The following TMCC3 variants were observed in gnomAD, a reference collection of about 807,000 sequenced individuals.
The protein encoded by TMCC3 is transmembrane and coiled-coil domain protein 3.
Under a neutral mutation model 40.2 loss-of-function variants are expected in TMCC3, and 28 were observed. The observed-to-expected ratio is 0.70, with a 90% CI of 0.52 to 0.95. The LOEUF is 0.95. TMCC3 is among the 40% of genes least tolerant of loss of function. The pLI, the probability that TMCC3 is intolerant of heterozygous loss-of-function variation, is 0.00. For missense variants in TMCC3, 554 were observed against 615.2 expected, an observed-to-expected ratio of 0.90 and a Z score of 1.05; for synonymous variants, 255 against 248.5, an observed-to-expected ratio of 1.03 and a Z score of -0.25.
intron 1 of TMCC3, among the ~76,000 whole-genome samples, chr12:94,642,671 T>C (rs2068996941): frequency 6.6e-6 from 1 of 152,268 alleles, no homozygotes. Flanking sequence ...CCACGGTCTC[T>C]GCTCAATTGC....
At chr12:94,650,184 C>G (rs954165483) in intron 1 of TMCC3, among the ~76,000 whole-genome samples, 169 bp downstream of exon 1, 1 of 152,034 alleles carries the variant, frequency 6.6e-6, no homozygotes, top group African/African-American at 2.4e-5. Flanking sequence ...CCGACGCCCC[C>G]GACGCCCACC....
At chr12:94,646,430 C>T (rs1177808545) in intron 1 of TMCC3, among the ~76,000 whole-genome samples, 1 of 136,936 alleles carries the variant, frequency 7.3e-6, no homozygotes, top group Non-Finnish European at 1.5e-5. Flanking sequence ...AAAGCACACA[C>T]CTTTTTTTTT....
At chr12:94,609,831 A>C (rs1345251690) in intron 1 of TMCC3, 1 of 152,228 alleles carries the variant, frequency 6.6e-6, no homozygotes, top group Non-Finnish European at 1.5e-5. Flanking sequence ...GAGCTACTGT[A>C]GTTCCAGAAA....
chr12:94,582,818 C>A (rs926085445), intron 1 of TMCC3, among the ~76,000 whole-genome samples: 1 of 152,024 alleles, frequency 6.6e-6, no homozygotes, highest in South Asian at 2.1e-4. Context: ...GGGTAGAAAA[C>A]GCAAAATAGA....
At chr12:94,650,022 G>A (rs954110523) in intron 1 of TMCC3, among the ~76,000 whole-genome samples, 8 of 152,176 alleles carry the variant, frequency 5.3e-5, no homozygotes, top group African/African-American at 1.2e-4. Context: ...TGGCCGGGTG[G>A]CGGGATTCCC....
intron 1 of TMCC3, among the ~76,000 whole-genome samples, chr12:94,628,729 G>A (rs1285414992): frequency 1.3e-5 from 2 of 152,230 alleles, no homozygotes; most frequent in African/African-American, 4.8e-5. Flanking sequence ...TAAGTCCCTT[G>A]TGGGTTAGAC....
chr12:94,619,675 T>G (rs566994319), intron 1 of TMCC3, among the ~76,000 whole-genome samples: 13 of 152,348 alleles, frequency 8.5e-5, no homozygotes, highest in African/African-American at 3.1e-4. Context: ...ACAGTTTTGC[T>G]TTTGGAAATT....
chr12:94,628,843 T>C (rs1165106441), intron 1 of TMCC3, among the ~76,000 whole-genome samples: 1 of 152,254 alleles, frequency 6.6e-6, no homozygotes, highest in Non-Finnish European at 1.5e-5. Flanking sequence ...TCTGAAATTC[T>C]ACGAAGGGAC....
At chr12:94,585,578 TC>T (rs2068633610) in intron 1 of TMCC3, among the ~76,000 whole-genome samples, 1 of 152,058 alleles carries the variant, frequency 6.6e-6, no homozygotes, top group South Asian at 2.1e-4. Flanking sequence ...GTGCCTGTAG[TC>T]CCAGCTACCC....
Position 94,605,706 on chromosome 12 carries a change from C to T in TMCC3, c.79-23168G>A, listed in dbSNP as rs563379450. On this transcript the variant is annotated intron_variant, in intron 1 of 3. Transcript: ENST00000261226. ...TTATCACAGCCTTGGTACTTTCCAT[C>T]GGGGGCTAGATAAAGAAGAGCAAAG... is the stretch of plus-strand genomic sequence containing the variant. Among the ~76,000 whole-genome samples, 8 of 152,242 alleles carry T rather than the reference C, an allele frequency of 5.3e-5. No homozygotes were observed. The East Asian group carries it at 5.8e-4, about 11-fold the overall frequency.
chr12:94,632,961 C>T (rs1276495560), intron 1 of TMCC3, among the ~76,000 whole-genome samples: 1 of 152,090 alleles, frequency 6.6e-6, no homozygotes, highest in African/African-American at 2.4e-5. Context: ...GCAAAATTCG[C>T]TGGGCATGGT....
chr12:94,583,094 T>C (rs139594871), intron 1 of TMCC3, among the ~76,000 whole-genome samples: 202 of 146,202 alleles, frequency 1.4e-3, no homozygotes, highest in African/African-American at 4.9e-3. Context: ...ATAGATGTGA[T>C]AGAATAATAT....
In TMCC3 at chr12:94,604,633, C is replaced by T. The variant is rs75827797; in HGVS notation, c.79-22095G>A. 4.7e-4 allele frequency among the ~76,000 whole-genome samples: 53 copies of T among 113,888 alleles called. 1 individual carries two copies. In the East Asian group the frequency reaches 9.1e-3, roughly 20 times the overall value. 74.7% of individuals were successfully genotyped at this position (113,888 alleles called of 152,430 possible). A position where few individuals can be genotyped will look rare whatever the true frequency, so the allele number is the denominator to read the frequency against. On this transcript the variant is annotated intron_variant, in intron 1 of 3. Transcript: ENST00000261226. Reference sequence around the variant, plus strand: ...CAGCTAGGGCACAATAGTGAGACCCCATCTCTACCAAAAAAAAAAAAAAAA... The same window carrying T: ...CAGCTAGGGCACAATAGTGAGACCCTATCTCTACCAAAAAAAAAAAAAAAA...
chr12:94,571,299 A>T lies in TMCC3; in HGVS notation c.*136T>A. ...ACTGCTACGGAGTTAAGAGAATTGTAGTTATTTACACCACACAGTCCTAGT... is the reference window on the plus strand; with the variant it reads ...ACTGCTACGGAGTTAAGAGAATTGTTGTTATTTACACCACACAGTCCTAGT... On this transcript the variant is annotated 3_prime_UTR_variant, in exon 4 of 4. Coordinates refer to ENST00000261226, the MANE Select transcript of TMCC3 (RefSeq NM_020698.4). The T allele has an allele frequency of 2.3e-6, 2 of 852,422 alleles. No individual in the cohort carries two copies. The highest frequency in any genetic ancestry group is 3.6e-6 in the Non-Finnish European group (2 of 558,400). The allele number at this position is 852,422 out of a possible 1,614,324, so 52.8% of individuals were successfully genotyped here.
At chr12:94,581,496 T>G in intron 2 of TMCC3, 126 bp downstream of exon 2, 1 of 539,428 alleles carries the variant, frequency 1.9e-6, no homozygotes, top group Non-Finnish European at 2.8e-6. Flanking sequence ...ATGCCACACC[T>G]ATCACGTACC....
rs530517980 is a variant in TMCC3, at chr12:94,575,690, C to T, written c.1131+2704G>A. Among the ~76,000 whole-genome samples, 3 of 152,354 alleles carry T rather than the reference C, an allele frequency of 2.0e-5. No homozygotes were observed. In the South Asian group the frequency reaches 6.2e-4, roughly 32 times the overall value. ...CACAGAAGAACAATATTAACCCAAACTATCCCCTAAATAAGAAAACCATGC... is the reference window on the plus strand; with the variant it reads ...CACAGAAGAACAATATTAACCCAAATTATCCCCTAAATAAGAAAACCATGC... On this transcript the variant is annotated intron_variant, in intron 3 of 3. Coordinates refer to ENST00000261226, the MANE Select transcript of TMCC3 (RefSeq NM_020698.4).
intron 1 of TMCC3, among the ~76,000 whole-genome samples, chr12:94,597,373 T>C (rs1024406605): frequency 1.3e-5 from 2 of 151,930 alleles, no homozygotes; most frequent in African/African-American, 2.4e-5. Context: ...GCAGGTATGA[T>C]CCTTTCCTCC....
intron 1 of TMCC3, among the ~76,000 whole-genome samples, chr12:94,635,177 G>A (rs979669942): frequency 1.3e-5 from 2 of 152,242 alleles, no homozygotes; most frequent in African/African-American, 2.4e-5. Flanking sequence ...TGTTATATTC[G>A]CCATCCTAAC....
intron 1 of TMCC3, among the ~76,000 whole-genome samples, chr12:94,597,948 A>C (rs1052430301): frequency 2.6e-5 from 4 of 152,228 alleles, no homozygotes; most frequent in African/African-American, 9.6e-5. Flanking sequence ...TTTACCCTCC[A>C]AAGTCCAAGA....
Sources: gnomAD v4.1 joint callset for allele counts (sites outside exome capture counted in the v4.1 genomes callset) on GRCh38, gnomAD v4.1.1 for gene constraint, MANE v1.5 for transcripts, NCBI Gene and HGNC (gene_info 2026-07-23, HGNC 2026-07-21) for gene names.